AKAP6: variants seen among roughly 807,000 people sequenced by gnomAD.
The protein encoded by AKAP6 is A-kinase anchoring protein 6.
In AKAP6, 58 loss-of-function variants were observed where a neutral mutation model predicts 188.5. The ratio of observed to expected loss-of-function variants is 0.31; its 90% CI spans 0.25 to 0.38. AKAP6 has a LOEUF of 0.38. AKAP6 is among the 10% of genes least tolerant of loss of function. AKAP6 has a pLI of 1.00. For synonymous variants in AKAP6, 989 were observed against 998.6 expected (o/e 0.99, Z 0.18); for missense variants, 2,710 against 2,740.0 (o/e 0.99, Z 0.24).
intron 12 of AKAP6, among the ~76,000 whole-genome samples, chr14:32,787,827 C>A (rs185714435): frequency 2.0e-5 from 3 of 152,138 alleles, no homozygotes; most frequent in African/African-American, 7.2e-5. Context: ...ATAAATCCCT[C>A]ACCATTTTTT....
rs116754849 is a variant in AKAP6 at position 32,460,199 on chromosome 14, C to T, written c.324+26382C>T. Among the ~76,000 whole-genome samples, 420 of 152,216 alleles carry T rather than the reference C, an allele frequency of 2.8e-3. 5 individuals are homozygous for T. Among genetic ancestry groups the T allele is most frequent in the African/African-American group, 9.1e-3 (379 of 41,512 alleles). ...ATCATGGGGCTGCAATCAGCAAACC[C>T]CAGGCTGTGTGAAACTCTACAGGAC... On this transcript the variant is annotated intron_variant, in intron 2 of 13. Transcript: ENST00000280979.
chr14:32,679,800 T>G (rs1889597243), intron 8 of AKAP6, among the ~76,000 whole-genome samples: 3 of 152,230 alleles, frequency 2.0e-5, no homozygotes, highest in Admixed American at 6.5e-5. Context: ...AGACATATTA[T>G]ATATGTAGTC....
chr14:32,712,977 G>C (rs921518152), intron 9 of AKAP6, among the ~76,000 whole-genome samples: 2 of 69,784 alleles, frequency 2.9e-5, no homozygotes, highest in Non-Finnish European at 7.2e-5. Context: ...CACTATCTAT[G>C]GCAGCTATAG....
At chr14:32,763,764 A>G (rs2032617135) in intron 11 of AKAP6, among the ~76,000 whole-genome samples, 1 of 152,186 alleles carries the variant, frequency 6.6e-6, no homozygotes, top group Non-Finnish European at 1.5e-5. Context: ...ATATAGATTA[A>G]GTTCCAGGGT....
intron 11 of AKAP6, 87 bp downstream of exon 11, chr14:32,735,969 T>G: frequency 1.0e-6 from 1 of 959,886 alleles, no homozygotes; most frequent in Non-Finnish European, 1.5e-6. Flanking sequence ...ATTATACCCA[T>G]GTATCTGTGT....
chr14:32,358,839 A>G (rs982013453), intron 1 of AKAP6, among the ~76,000 whole-genome samples: 1 of 152,208 alleles, frequency 6.6e-6, no homozygotes, highest in African/African-American at 2.4e-5. Flanking sequence ...TATTTTCAAT[A>G]TTAAGCAGAT....
At chr14:32,468,412 C>T (rs1383779713) in intron 2 of AKAP6, among the ~76,000 whole-genome samples, 1 of 152,112 alleles carries the variant, frequency 6.6e-6, no homozygotes, top group Non-Finnish European at 1.5e-5. Flanking sequence ...ATGCCTTGCT[C>T]TTTCATGTAG....
chr14:32,453,575 C>CTTTTTTTTTTTTTTTTTTTTTTTTTT (rs71115071), intron 2 of AKAP6, among the ~76,000 whole-genome samples: 1 of 95,356 alleles, frequency 1.0e-5, no homozygotes, highest in Non-Finnish European at 2.1e-5. Flanking sequence ...TTTTTCTTTT[C>CTTTTTTTTTTTTTTTTTTTTTTTTTT]TTTTTTTTTT....
chr14:32,795,948 A>G (rs949378817), intron 12 of AKAP6, among the ~76,000 whole-genome samples: 8 of 152,236 alleles, frequency 5.3e-5, no homozygotes, highest in Non-Finnish European at 1.2e-4. Context: ...AGGATACAAA[A>G]TCAATTTGCA....
intron 9 of AKAP6, among the ~76,000 whole-genome samples, chr14:32,727,869 C>A (rs1230114682): frequency 6.6e-6 from 1 of 152,108 alleles, no homozygotes. Flanking sequence ...GGGCTTGAAC[C>A]CTTTTCTTCA....
intron 12 of AKAP6, among the ~76,000 whole-genome samples, chr14:32,779,818 C>T (rs1019247968): frequency 6.6e-6 from 1 of 152,050 alleles, no homozygotes; most frequent in Non-Finnish European, 1.5e-5. Flanking sequence ...TTAATTGGCA[C>T]TTAAAACACT....
intron 1 of AKAP6, among the ~76,000 whole-genome samples, chr14:32,348,258 A>G (rs1480622204): frequency 3.3e-5 from 5 of 152,200 alleles, no homozygotes; most frequent in Non-Finnish European, 5.9e-5. Flanking sequence ...TGTAGGTTTT[A>G]GGATAGAGCA....
At chr14:32,591,426 A>G (rs1176746179) in intron 5 of AKAP6, among the ~76,000 whole-genome samples, 3 of 151,514 alleles carry the variant, frequency 2.0e-5, no homozygotes, top group Non-Finnish European at 4.4e-5. Context: ...TAGCCAGTCT[A>G]TCAGAAAAGA....
chr14:32,398,404 T>G (rs1888948779), intron 1 of AKAP6, among the ~76,000 whole-genome samples: 1 of 152,250 alleles, frequency 6.6e-6, no homozygotes, highest in African/African-American at 2.4e-5. Context: ...TCTTTGCATT[T>G]CTTTTAACAT....
rs543256600 is a variant in AKAP6, at chr14:32,829,852, G to A, written c.*47G>A. ...TCACTTTTTTGTTTCTTGTAGATACGCCTGGCTGCAACTCAGGGGTGGCCT... is the reference window on the plus strand; with the variant it reads ...TCACTTTTTTGTTTCTTGTAGATACACCTGGCTGCAACTCAGGGGTGGCCT... On this transcript the variant is annotated 3_prime_UTR_variant, in exon 14 of 14. Coordinates refer to ENST00000280979, the MANE Select transcript of AKAP6 (RefSeq NM_004274.5). The A allele has an allele frequency of 2.7e-5, 19 of 699,126 alleles. 1 individual carries two copies. The highest frequency in any genetic ancestry group is 2.3e-4 in the Middle Eastern group (1 of 4,362). 43.3% of individuals were successfully genotyped at this position (699,126 alleles called of 1,614,324 possible).
At chr14:32,635,464 C>T (rs894057710) in intron 7 of AKAP6, among the ~76,000 whole-genome samples, 1 of 152,052 alleles carries the variant, frequency 6.6e-6, no homozygotes, top group African/African-American at 2.4e-5. Flanking sequence ...ATCACTGATC[C>T]ATCTGTAATT....
At chr14:32,458,607 T>C (rs1891221147) in intron 2 of AKAP6, among the ~76,000 whole-genome samples, 2 of 151,988 alleles carry the variant, frequency 1.3e-5, no homozygotes, top group African/African-American at 2.4e-5. Context: ...ACAAAAGAGG[T>C]TAAGGAGCAG....
Position 32,822,237 on chromosome 14 carries a change from G to C in AKAP6, c.4424G>C (p.Gly1475Ala). ...FTFYDYSYLQ[G>A]SKLKLPMIMK... ...TTTTATGATTACTCATACCTCCAAG[G>C]CTCAAAACTCAAATTACCAATGATA... Residue 1475 changes from glycine to alanine, a missense_variant, in exon 13 of 14, where the codon GGC becomes GCC. Gly to Ala is a moderately conservative substitution (Grantham distance 60, BLOSUM62 0). Around this residue, in one of 2 missense-constraint regions of AKAP6, gnomAD observed 2,473 missense variants for 2,426.1 expected, o/e 1.02. Coordinates refer to ENST00000280979, the MANE Select transcript of AKAP6 (RefSeq NM_004274.5). 6.2e-7 allele frequency: 1 copy of C among 1,613,812 alleles called. No individual in the cohort carries two copies.
rs764233612 is a variant in AKAP6 at position 32,484,791 on chromosome 14, C to T, written c.325-50763C>T. The stretch of plus-strand genomic sequence containing the variant: ...TGGTTTGTAGAGAACAATCAACGGT[C>T]GGCGAACATCAGTGGGATAAGGTAA... On this transcript the variant is annotated intron_variant, in intron 2 of 13. Coordinates refer to ENST00000280979, the MANE Select transcript of AKAP6 (RefSeq NM_004274.5). 57 of 216,166 alleles carry T rather than the reference C, an allele frequency of 2.6e-4. 19 individuals are homozygous for T. The highest frequency in any genetic ancestry group is 8.6e-4 in the African/African-American group (10 of 11,656). 13.4% of individuals were successfully genotyped at this position (216,166 alleles called of 1,614,324 possible).
Sources: gnomAD v4.1 joint callset for allele counts (sites outside exome capture counted in the v4.1 genomes callset) on GRCh38, gnomAD v4.1.1 for gene constraint, gnomAD v4.1.1 regional missense constraint, MANE v1.5 for transcripts, NCBI Gene and HGNC (gene_info 2026-07-23, HGNC 2026-07-21) for gene names.